Variants in SDCBP observed in about 807,000 individuals in gnomAD.
SDCBP encodes the protein syntenin-1.
In SDCBP, 22 loss-of-function variants were observed where a neutral mutation model predicts 30.5. That is an observed-to-expected ratio of 0.72 (90% CI 0.52 to 1.03). SDCBP has a LOEUF of 1.03. SDCBP is among the 50% of genes least tolerant of loss of function. The pLI is 0.00. For missense variants in SDCBP, 304 were observed against 369.9 expected (o/e 0.82, Z 1.46); for synonymous variants, 103 against 118.7 (o/e 0.87, Z 0.86).
chr8:58,557,148 TATA>T (rs1804170815), intron 1 of SDCBP, among the ~76,000 whole-genome samples: 1 of 98,516 alleles, frequency 1.0e-5, no homozygotes, highest in Non-Finnish European at 1.8e-5. Flanking sequence ...TATACAATAT[TATA>T]ATATATAATT....
In SDCBP at chr8:58,578,932, G is replaced by A. The variant is rs1027063911; in HGVS notation, c.579-691G>A. Reference sequence around the variant, plus strand: ...TTCAAAGAGTAAGTTGTACTAACAGGAAGAAATGCCTCTTCTGAATTTAAT... The same window carrying A: ...TTCAAAGAGTAAGTTGTACTAACAGAAAGAAATGCCTCTTCTGAATTTAAT... On this transcript the variant is annotated intron_variant, in intron 6 of 8. Transcript: ENST00000260130. 1.1e-4 allele frequency among the ~76,000 whole-genome samples: 17 copies of A among 152,138 alleles called. 1 individual carries two copies. Among genetic ancestry groups the A allele is most frequent in the Non-Finnish European group, 1.5e-5 (1 of 68,024 alleles).
chr8:58,557,927 G>C (rs1239848153), intron 1 of SDCBP, among the ~76,000 whole-genome samples: 1 of 152,168 alleles, frequency 6.6e-6, no homozygotes, highest in East Asian at 1.9e-4. Flanking sequence ...TTCCACTGAT[G>C]TAATAGTTAC....
intron 1 of SDCBP, among the ~76,000 whole-genome samples, chr8:58,562,793 A>G (rs898562090): frequency 6.6e-6 from 1 of 152,224 alleles, no homozygotes; most frequent in South Asian, 2.1e-4. Flanking sequence ...TAGATGTTAT[A>G]TCTAAAGCAT....
intron 1 of SDCBP, among the ~76,000 whole-genome samples, chr8:58,558,587 C>A (rs1804278514): frequency 6.6e-6 from 1 of 152,178 alleles, no homozygotes; most frequent in Admixed American, 6.5e-5. Flanking sequence ...CATTTGATAT[C>A]TTTGAGGATG....
In SDCBP at chr8:58,581,691, C is replaced by T. The variant is rs1407989444; in HGVS notation, c.848C>T (p.Ala283Val). 5 of 1,611,432 alleles carry T rather than the reference C, an allele frequency of 3.1e-6. No individual in the cohort carries two copies. Among genetic ancestry groups the T allele is most frequent in the Middle Eastern group, 3.4e-4 (2 of 5,902 alleles). ...TAAAAGTACCTCTCTTGTAGGATGG[C>T]ACCAAGCATTATGAAAAGCCTAATG... ...FIFEHIIKRMAPSIMKSLMDH... is the reference protein window; with the variant it reads ...FIFEHIIKRMVPSIMKSLMDH... Residue 283 changes from alanine (A) to valine (V), a missense_variant, in exon 9 of 9, where the codon GCA becomes GTA. Coordinates refer to ENST00000260130, the MANE Select transcript of SDCBP (RefSeq NM_005625.4).
In SDCBP at chr8:58,578,206, C is replaced by T. The variant is rs778490931; in HGVS notation, c.576C>T (p.Asp192=). 3 of 1,544,986 alleles carry T rather than the reference C, an allele frequency of 1.9e-6. No homozygotes were observed. Among genetic ancestry groups the T allele is most frequent in the Admixed American group, 2.2e-5 (1 of 45,982 alleles). ...AGAAGATTACCATGACCATTCGTGACAGGTAAGCTGTTACTAAACAGCTCA... is the reference window on the plus strand; with the variant it reads ...AGAAGATTACCATGACCATTCGTGATAGGTAAGCTGTTACTAAACAGCTCA... ...FGEKITMTIR[D]RPFERTITMH... is the part of the protein sequence containing the mutation. The change falls in exon 6 of 9, where the codon GAC becomes GAT. Residue 192 remains aspartate, a splice_region_variant and synonymous_variant. Transcript: ENST00000260130.
chr8:58,572,861 C>T (rs976736010), intron 4 of SDCBP, among the ~76,000 whole-genome samples: 9 of 129,312 alleles, frequency 7.0e-5, no homozygotes, highest in South Asian at 2.5e-4. Flanking sequence ...GGCTGGAGTG[C>T]AATGGCGTGA....
At chr8:58,564,181 A>G (rs1056716935) in intron 1 of SDCBP, among the ~76,000 whole-genome samples, 14 of 152,198 alleles carry the variant, frequency 9.2e-5, no homozygotes, top group African/African-American at 3.1e-4. Flanking sequence ...AGAGAAAGCA[A>G]TAAGAAGTGG....
Position 58,572,660 on chromosome 8 carries a change from T to C in SDCBP, c.240+346T>C, listed in dbSNP as rs1249118750. 2.0e-5 allele frequency among the ~76,000 whole-genome samples: 3 copies of C among 152,228 alleles called. No homozygotes were observed. In the East Asian group the frequency reaches 5.8e-4, roughly 29 times the overall value. On this transcript the variant is annotated intron_variant, in intron 4 of 8. Coordinates refer to ENST00000260130, the MANE Select transcript of SDCBP (RefSeq NM_005625.4). ...AGTCCTACTATAACCATATTCAGGG[T>C]TTCTATACTTCTAGCCTTCATTATT...
chr8:58,577,177 G>T (rs1805387447), intron 5 of SDCBP, among the ~76,000 whole-genome samples: 1 of 152,212 alleles, frequency 6.6e-6, no homozygotes, highest in Non-Finnish European at 1.5e-5. Context: ...TGGCCAAAGG[G>T]CATTTGTTCA....
chr8:58,568,679 T>A (rs1327615699), intron 2 of SDCBP, among the ~76,000 whole-genome samples: 1 of 152,216 alleles, frequency 6.6e-6, no homozygotes, highest in African/African-American at 2.4e-5. Context: ...GCAGCTATGA[T>A]GTCACTAGAC....
At chr8:58,574,816 C>T (rs1373764563) in intron 4 of SDCBP, among the ~76,000 whole-genome samples, 4 of 152,124 alleles carry the variant, frequency 2.6e-5, no homozygotes, top group Non-Finnish European at 5.9e-5. Context: ...TTACCACAGT[C>T]AGGGTTATTA....
intron 1 of SDCBP, among the ~76,000 whole-genome samples, chr8:58,562,874 A>T (rs1314427514): frequency 2.0e-5 from 3 of 152,184 alleles, no homozygotes; most frequent in African/African-American, 7.2e-5. Context: ...ATGCACTGTG[A>T]GAAAAAATGA....
At chr8:58,558,154 T>C (rs548762933) in intron 1 of SDCBP, among the ~76,000 whole-genome samples, 2 of 152,242 alleles carry the variant, frequency 1.3e-5, no homozygotes, top group East Asian at 1.9e-4. Flanking sequence ...TTTACACTGT[T>C]AGGTTCAAAA....
In SDCBP at chr8:58,582,491, T is replaced by C. The variant is rs2129608573; in HGVS notation, c.*751T>C. The stretch of plus-strand genomic sequence containing the variant: ...TATAGCATAGCTGCTTAGTTGTTTT[T>C]GAGATTTTTTAGTCAACACATAATG... On this transcript the variant is annotated 3_prime_UTR_variant, in exon 9 of 9. Coordinates refer to ENST00000260130, the MANE Select transcript of SDCBP (RefSeq NM_005625.4). 6.5e-6 allele frequency: 1 copy of C among 152,758 alleles called. No individual in the cohort carries two copies. Among genetic ancestry groups the C allele is most frequent in the African/African-American group, 2.4e-5 (1 of 41,584 alleles). The allele number at this position is 152,758 out of a possible 1,614,324, so 9.5% of individuals were successfully genotyped here. A position where few individuals can be genotyped will look rare whatever the true frequency, so the allele number is the denominator to read the frequency against.
At chr8:58,579,961 A>G in intron 7 of SDCBP, 167 bp downstream of exon 7, 1 of 532,204 alleles carries the variant, frequency 1.9e-6, no homozygotes, top group Non-Finnish European at 3.3e-6. Context: ...GCTGTCATCT[A>G]GAACTACAGT....
intron 6 of SDCBP, 49 bp downstream of exon 6, chr8:58,578,257 A>G: frequency 7.2e-7 from 1 of 1,393,438 alleles, no homozygotes; most frequent in Non-Finnish European, 9.6e-7. Context: ...CTAGTTTTCC[A>G]TTTTTTTGGG....
At chr8:58,561,692 A>G (rs1804449532) in intron 1 of SDCBP, 8 of 642,352 alleles carry the variant, frequency 1.2e-5, no homozygotes, top group Middle Eastern at 2.5e-4. Flanking sequence ...TTAAACGCCA[A>G]TGGGAGTCTG....
intron 1 of SDCBP, among the ~76,000 whole-genome samples, chr8:58,557,631 G>T (rs370332029): frequency 6.6e-6 from 1 of 151,818 alleles, no homozygotes; most frequent in African/African-American, 2.4e-5. Flanking sequence ...GGGTGTAGGG[G>T]CCTTTCATAA....
Sources: gnomAD v4.1 joint callset for allele counts (sites outside exome capture counted in the v4.1 genomes callset) on GRCh38, gnomAD v4.1.1 for gene constraint, MANE v1.5 for transcripts, NCBI Gene and HGNC (gene_info 2026-07-23, HGNC 2026-07-21) for gene names.